The following SUPT3H variants were observed in gnomAD, a reference collection of about 807,000 sequenced individuals.
The protein encoded by SUPT3H is SPT3 homolog, SAGA and STAGA complex component, also known as transcription initiation protein SPT3 homolog.
SUPT3H carries 44 observed loss-of-function variants against 44.3 expected under a neutral mutation model. That is an observed-to-expected ratio of 0.99 (90% CI 0.78 to 1.28). The LOEUF (loss-of-function observed/expected upper bound fraction) is 1.28, where lower values mean the gene tolerates loss of function less well. Ranked by LOEUF, SUPT3H falls within the 50% of genes most tolerant of loss-of-function variation. SUPT3H has a pLI of 0.00. For synonymous variants in SUPT3H, 124 were observed against 125.6 expected, an observed-to-expected ratio of 0.99 and a Z score of 0.09; for missense variants, 380 against 387.1, an observed-to-expected ratio of 0.98 and a Z score of 0.15.
chr6:44,964,120 A>G (rs1276852274), intron 6 of SUPT3H, among the ~76,000 whole-genome samples: 2 of 152,168 alleles, frequency 1.3e-5, no homozygotes, highest in African/African-American at 4.8e-5. Context: ...GTGTCTCACT[A>G]TAGCAGGAAC....
chr6:44,977,648 T>C (rs923791767), intron 6 of SUPT3H, among the ~76,000 whole-genome samples: 3 of 152,126 alleles, frequency 2.0e-5, no homozygotes, highest in Non-Finnish European at 4.4e-5. Context: ...AGGTAAAATA[T>C]ATTGCTAGAA....
intron 10 of SUPT3H, among the ~76,000 whole-genome samples, chr6:44,846,151 T>G (rs1203346680): frequency 6.6e-6 from 1 of 152,142 alleles, no homozygotes; most frequent in African/African-American, 2.4e-5. Flanking sequence ...GCATGCCCTG[T>G]GAGGGGGAGA....
chr6:44,839,314 T>C (rs1428887072), intron 10 of SUPT3H, among the ~76,000 whole-genome samples: 1 of 120,848 alleles, frequency 8.3e-6, no homozygotes, highest in African/African-American at 2.8e-5. Context: ...TGTTTCACTA[T>C]TATTATTATT....
At chr6:45,275,715 T>C (rs1398417111) in intron 2 of SUPT3H, among the ~76,000 whole-genome samples, 2 of 152,142 alleles carry the variant, frequency 1.3e-5, no homozygotes, top group Non-Finnish European at 2.9e-5. Flanking sequence ...TTAGGTAAGT[T>C]GTTAATATTA....
intron 3 of SUPT3H, among the ~76,000 whole-genome samples, chr6:45,051,066 A>G (rs1454305114): frequency 1.3e-5 from 2 of 151,768 alleles, no homozygotes; most frequent in African/African-American, 4.8e-5. Context: ...TTGCATTTTT[A>G]ATAGAGATGG....
intron 2 of SUPT3H, among the ~76,000 whole-genome samples, chr6:45,179,658 G>T (rs1198461117): frequency 1.3e-5 from 2 of 152,104 alleles, no homozygotes; most frequent in African/African-American, 2.4e-5. Context: ...TGCAGAAAAG[G>T]CCTTTGACAA....
At position 45,047,705 on chromosome 6, in the gene SUPT3H, C is replaced by A. The variant is rs1026979814; in HGVS notation, c.187-27073G>T. On this transcript the variant is annotated intron_variant, in intron 3 of 10. Transcript: ENST00000371459. Reference sequence around the variant, plus strand: ...ATATGGCTGTACTAATTTATATTCCCACCACTAGTGTGCAAAGGTTCTCTT... The same window carrying A: ...ATATGGCTGTACTAATTTATATTCCAACCACTAGTGTGCAAAGGTTCTCTT... 3.3e-5 allele frequency among the ~76,000 whole-genome samples: 5 copies of A among 152,114 alleles called. No homozygotes were observed. The East Asian group carries it at 9.7e-4, about 29-fold the overall frequency.
intron 4 of SUPT3H, among the ~76,000 whole-genome samples, chr6:45,018,137 GCTCT>G (rs1784580438): frequency 6.6e-6 from 1 of 151,626 alleles, no homozygotes; most frequent in Non-Finnish European, 1.5e-5. Context: ...TCATGAGTTG[GCTCT>G]CTGTTTGTCT....
intron 2 of SUPT3H, among the ~76,000 whole-genome samples, chr6:45,221,640 G>A (rs1025748821): frequency 1.3e-5 from 2 of 152,068 alleles, no homozygotes; most frequent in Non-Finnish European, 2.9e-5. Flanking sequence ...ACATACTGAA[G>A]ATATTAATTT....
At chr6:44,922,373 CTTA>C (rs1217190560) in intron 10 of SUPT3H, among the ~76,000 whole-genome samples, 1 of 152,178 alleles carries the variant, frequency 6.6e-6, no homozygotes, top group Non-Finnish European at 1.5e-5. Context: ...AAACAATCCA[CTTA>C]TTATGTTCTG....
chr6:45,021,598 A>G (rs188496053), intron 3 of SUPT3H, among the ~76,000 whole-genome samples: 2 of 152,146 alleles, frequency 1.3e-5, no homozygotes, highest in Non-Finnish European at 2.9e-5. Flanking sequence ...AGTTACATAT[A>G]AAAGCTGTTC....
rs2153408290 is a variant in SUPT3H at position 44,828,637 on chromosome 6, T to G, written c.*1179A>C. ...ATTTGGGTGAAGGGAGAACTATTTCTACTTTCTTTACCCTTAAATCTAGGA... is the reference window on the plus strand; with the variant it reads ...ATTTGGGTGAAGGGAGAACTATTTCGACTTTCTTTACCCTTAAATCTAGGA... On this transcript the variant is annotated 3_prime_UTR_variant, in exon 11 of 11. Coordinates refer to ENST00000371459, the MANE Select transcript of SUPT3H (RefSeq NM_003599.4). The G allele has an allele frequency of 6.6e-6, 1 of 152,304 alleles. No individual in the cohort carries two copies. The highest frequency in any genetic ancestry group is 3.4e-3 in the Middle Eastern group (1 of 294). The allele number at this position is 152,304 out of a possible 1,614,324, so 9.4% of individuals were successfully genotyped here.
At chr6:45,133,792 T>C (rs1583742578) in intron 2 of SUPT3H, among the ~76,000 whole-genome samples, 1 of 152,282 alleles carries the variant, frequency 6.6e-6, no homozygotes, top group Non-Finnish European at 1.5e-5. Context: ...GAAAACTTGA[T>C]TTAGTATTGT....
At chr6:45,012,302 CACTT>C (rs1399140844) in intron 5 of SUPT3H, among the ~76,000 whole-genome samples, 6 of 151,840 alleles carry the variant, frequency 4.0e-5, no homozygotes, top group African/African-American at 1.2e-4. Context: ...TATTTTTACA[CACTT>C]AATGGTGCTC....
chr6:45,303,525 A>C (rs1782476228), intron 2 of SUPT3H, among the ~76,000 whole-genome samples: 1 of 152,166 alleles, frequency 6.6e-6, no homozygotes, highest in Non-Finnish European at 1.5e-5. Flanking sequence ...AATGCTTAAC[A>C]TCACTAAGGA....
intron 2 of SUPT3H, among the ~76,000 whole-genome samples, chr6:45,363,325 G>T (rs74483478): frequency 2.0e-5 from 3 of 151,984 alleles, no homozygotes; most frequent in Admixed American, 6.6e-5. Flanking sequence ...CAAGTATATT[G>T]TTTTAATAAA....
intron 2 of SUPT3H, among the ~76,000 whole-genome samples, chr6:45,235,388 G>A (rs1768897008): frequency 6.6e-6 from 1 of 152,004 alleles, no homozygotes; most frequent in Non-Finnish European, 1.5e-5. Context: ...TGAAATCTGG[G>A]AGGATCAAGT....
intron 10 of SUPT3H, among the ~76,000 whole-genome samples, chr6:44,852,036 C>A (rs1772982627): frequency 6.6e-6 from 1 of 152,182 alleles, no homozygotes; most frequent in African/African-American, 2.4e-5. Flanking sequence ...ATCCATCATC[C>A]TCACACATTA....
intron 3 of SUPT3H, among the ~76,000 whole-genome samples, chr6:45,105,333 A>C (rs1347654063): frequency 6.6e-6 from 1 of 152,162 alleles, no homozygotes; most frequent in African/African-American, 2.4e-5. Flanking sequence ...TTCCTCTTTA[A>C]ACATGGTACA....
Sources: allele counts gnomAD v4.1 joint callset (sites outside exome capture counted in the v4.1 genomes callset), GRCh38; gene constraint gnomAD v4.1.1; transcripts MANE v1.5; gene names NCBI Gene and HGNC (gene_info 2026-07-23, HGNC 2026-07-21).